RGS7: variants seen among roughly 807,000 people sequenced by gnomAD.
RGS7 encodes regulator of G-protein signaling 7.
RGS7 carries 27 observed loss-of-function variants against 81.1 expected under a neutral mutation model. That is an observed-to-expected ratio of 0.33 (90% CI 0.25 to 0.46). The LOEUF (loss-of-function observed/expected upper bound fraction) is 0.46. Among genes scored for constraint, RGS7 ranks in the 20% least tolerant of loss-of-function variants. RGS7 has a pLI of 1.00. For missense variants in RGS7, 396 were observed against 607.4 expected (o/e 0.65, Z 3.66); for synonymous variants, 208 against 207.7 (o/e 1.00, Z -0.01).
At chr1:241,075,833 CA>C (rs1253840927) in intron 3 of RGS7, among the ~76,000 whole-genome samples, 1 of 152,142 alleles carries the variant, frequency 6.6e-6, no homozygotes, top group Non-Finnish European at 1.5e-5. Flanking sequence ...GAAGAGCTAC[CA>C]AAATAGCTCA....
At chr1:241,132,317 G>A (rs78240175) in intron 2 of RGS7, 5,196 of 154,816 alleles carry the variant, frequency 0.034, 281 homozygotes, top group African/African-American at 0.12. Flanking sequence ...GGAGAGTGGA[G>A]CCCAGAGAAT....
intron 6 of RGS7, among the ~76,000 whole-genome samples, chr1:240,882,265 G>T (rs1484043422): frequency 2.6e-5 from 4 of 152,136 alleles, no homozygotes; most frequent in Non-Finnish European, 2.9e-5. Context: ...TAAGGAGAAA[G>T]AATTCCTTTA....
At chr1:241,265,208 T>C (rs1279777854) in intron 2 of RGS7, among the ~76,000 whole-genome samples, 1 of 152,188 alleles carries the variant, frequency 6.6e-6, no homozygotes, top group East Asian at 1.9e-4. Flanking sequence ...AGGCTGTGAA[T>C]GTATGTGATT....
chr1:240,972,083 G>A (rs191842211), intron 4 of RGS7, among the ~76,000 whole-genome samples: 73 of 152,248 alleles, frequency 4.8e-4, no homozygotes, highest in African/African-American at 1.8e-3. Context: ...AATGCAACAG[G>A]TAAATATAAC....
intron 6 of RGS7, among the ~76,000 whole-genome samples, chr1:240,883,734 T>C (rs1315124055): frequency 6.6e-6 from 1 of 152,218 alleles, no homozygotes; most frequent in East Asian, 1.9e-4. Flanking sequence ...TTGTGGGACA[T>C]GTGGTGCCAC....
Position 241,027,371 on chromosome 1 carries a change from G to A in RGS7, c.176-44242C>T, listed in dbSNP as rs116482581. Among the ~76,000 whole-genome samples, 793 of 152,216 alleles carry A rather than the reference G, an allele frequency of 5.2e-3. 4 individuals carry two copies. The highest frequency in any genetic ancestry group is 8.3e-3 in the Non-Finnish European group (561 of 68,000). ...AAGAAAGATTCATAATAAGAAATTC[G>A]TTTTAATTCTAACTGCAGTAGGAAG... On this transcript the variant is annotated intron_variant, in intron 3 of 18. Transcript: ENST00000440928.
At chr1:241,156,895 C>T (rs1360383020) in intron 2 of RGS7, among the ~76,000 whole-genome samples, 4 of 152,176 alleles carry the variant, frequency 2.6e-5, no homozygotes, top group African/African-American at 4.8e-5. Context: ...TCCCCCTCCT[C>T]ACTACTGTCT....
chr1:241,346,692 A>G (rs1408681789), intron 2 of RGS7, among the ~76,000 whole-genome samples: 1 of 152,220 alleles, frequency 6.6e-6, no homozygotes, highest in East Asian at 1.9e-4. Flanking sequence ...GTTGCCTTTC[A>G]GCTTTTTATT....
chr1:240,828,190 G>A (rs1693209895), intron 9 of RGS7, among the ~76,000 whole-genome samples: 1 of 152,186 alleles, frequency 6.6e-6, no homozygotes, highest in African/African-American at 2.4e-5. Flanking sequence ...TAGGCAGCCT[G>A]CTGTTAGCTT....
At chr1:240,820,911 GT>G (rs1228101379) in intron 10 of RGS7, among the ~76,000 whole-genome samples, 1 of 152,184 alleles carries the variant, frequency 6.6e-6, no homozygotes, top group African/African-American at 2.4e-5. Context: ...GTGTTTCTAT[GT>G]GAAATGTAAT....
chr1:241,141,335 C>G (rs2067905855), intron 2 of RGS7, among the ~76,000 whole-genome samples: 1 of 152,186 alleles, frequency 6.6e-6, no homozygotes, highest in South Asian at 2.1e-4. Flanking sequence ...TGGGAATCCC[C>G]ACGTGCTGTA....
intron 9 of RGS7, among the ~76,000 whole-genome samples, chr1:240,867,034 C>T: frequency 6.6e-6 from 1 of 152,148 alleles, no homozygotes. Context: ...AATAAAAATC[C>T]TACTTAATGT....
intron 2 of RGS7, among the ~76,000 whole-genome samples, chr1:241,242,323 T>C (rs892244408): frequency 1.3e-5 from 2 of 151,918 alleles, no homozygotes; most frequent in Non-Finnish European, 2.9e-5. Context: ...GATAGATAGA[T>C]AGATAGATAG....
At chr1:241,115,430 T>G (rs944645787) in intron 2 of RGS7, among the ~76,000 whole-genome samples, 1 of 152,186 alleles carries the variant, frequency 6.6e-6, no homozygotes, top group African/African-American at 2.4e-5. Flanking sequence ...ATTACATGAT[T>G]TCTTTCAGGA....
intron 6 of RGS7, chr1:240,920,219 A>G (rs1378473058): frequency 2.6e-6 from 3 of 1,164,178 alleles, no homozygotes; most frequent in Non-Finnish European, 3.8e-6. Flanking sequence ...CTAGTGCTTC[A>G]TGCAGCCAAA....
At chr1:241,041,054 A>C (rs963228068) in intron 3 of RGS7, among the ~76,000 whole-genome samples, 2 of 152,206 alleles carry the variant, frequency 1.3e-5, no homozygotes, top group Admixed American at 1.3e-4. Flanking sequence ...ATGAATTCAA[A>C]GTTTAAATAC....
intron 9 of RGS7, among the ~76,000 whole-genome samples, chr1:240,829,878 G>C (rs1693533635): frequency 6.6e-6 from 1 of 152,110 alleles, no homozygotes; most frequent in Non-Finnish European, 1.5e-5. Flanking sequence ...ATGTTAAGGG[G>C]TGGGAAAAAT....
At chr1:241,120,057 T>G (rs2066143923) in intron 2 of RGS7, among the ~76,000 whole-genome samples, 1 of 152,202 alleles carries the variant, frequency 6.6e-6, no homozygotes, top group Admixed American at 6.5e-5. Flanking sequence ...GAAAATACAT[T>G]GGTTTTCTCT....
intron 3 of RGS7, among the ~76,000 whole-genome samples, chr1:240,991,443 C>G (rs948503388): frequency 6.6e-6 from 1 of 152,186 alleles, no homozygotes; most frequent in African/African-American, 2.4e-5. Context: ...ACCAGAGAAG[C>G]TTTTCCCAAG....
Sources: allele counts gnomAD v4.1 joint callset (sites outside exome capture counted in the v4.1 genomes callset), GRCh38; gene constraint gnomAD v4.1.1; transcripts MANE v1.5; gene names NCBI Gene and HGNC (gene_info 2026-07-23, HGNC 2026-07-21).